The following SMTN variants were observed in gnomAD, a reference collection of about 807,000 sequenced individuals.
SMTN encodes smoothelin.
A neutral mutation model predicts 102.0 loss-of-function variants in SMTN; 58 were observed. The ratio of observed to expected loss-of-function variants is 0.57; its 90% CI spans 0.46 to 0.71. SMTN has a LOEUF of 0.71. SMTN is among the 30% of genes least tolerant of loss of function. The probability of loss-of-function intolerance (pLI) is 0.00; values close to 1 mark genes in which losing one functional copy is unlikely to be tolerated. For synonymous variants in SMTN, 478 were observed against 497.9 expected, an observed-to-expected ratio of 0.96 and a Z score of 0.53; for missense variants, 1,185 against 1,241.7, an observed-to-expected ratio of 0.95 and a Z score of 0.69.
chr22:31,101,893 C>T (rs1004243), intron 20 of SMTN: 52,913 of 151,524 alleles, frequency 0.35, 10,026 homozygotes, highest in Middle Eastern at 0.51. Flanking sequence ...GGACCTTCCT[C>T]GGATGAGGCT....
chr22:31,069,930 A>T (rs1346418345), intron 1 of SMTN, among the ~76,000 whole-genome samples: 1 of 152,088 alleles, frequency 6.6e-6, no homozygotes, highest in Admixed American at 6.5e-5. Flanking sequence ...CCAGTAAGGG[A>T]AGATTTTGAA....
intron 2 of SMTN, among the ~76,000 whole-genome samples, chr22:31,086,350 G>A (rs2042701305): frequency 6.6e-6 from 1 of 152,178 alleles, no homozygotes; most frequent in South Asian, 2.1e-4. Context: ...CAAATCACAT[G>A]TCCTCCCTGG....
chr22:31,089,158 C>T (rs985601916), intron 6 of SMTN, among the ~76,000 whole-genome samples, 189 bp downstream of exon 6: 1 of 152,202 alleles, frequency 6.6e-6, no homozygotes, highest in African/African-American at 2.4e-5. Flanking sequence ...CTGCTTCAAC[C>T]CGTCCCAGGG....
chr22:31,100,255 C>T (rs2043967442), intron 19 of SMTN, among the ~76,000 whole-genome samples: 1 of 152,108 alleles, frequency 6.6e-6, no homozygotes, highest in Non-Finnish European at 1.5e-5. Flanking sequence ...CCACGGGATC[C>T]CGGCTGGAGA....
At chr22:31,100,451 A>G (rs1161158299) in intron 19 of SMTN, among the ~76,000 whole-genome samples, 1 of 148,546 alleles carries the variant, frequency 6.7e-6, no homozygotes, top group Admixed American at 6.7e-5. Flanking sequence ...TTTCCCTCAA[A>G]TTTCTTCCTC....
At chr22:31,098,868 G>T (rs750976574) in intron 17 of SMTN, 28 bp downstream of exon 17, 1 of 1,551,086 alleles carries the variant, frequency 6.4e-7, no homozygotes, top group Non-Finnish European at 8.7e-7. Flanking sequence ...GCTGGGCAGT[G>T]GGGGGCGGGG....
At chr22:31,102,413 G>T (rs1002766817) in intron 20 of SMTN, 3 of 152,350 alleles carry the variant, frequency 2.0e-5, no homozygotes, top group Non-Finnish European at 4.4e-5. Flanking sequence ...AAGGGGATTG[G>T]CTGAAGGAAT....
upstream of SMTN, among the ~76,000 whole-genome samples, chr22:31,078,612 C>T (rs62236126): frequency 0.039 from 5,980 of 152,362 alleles, 130 homozygotes; most frequent in Non-Finnish European, 0.042. Flanking sequence ...TTTCCTGCTC[C>T]GCCCACAGCC....
intron 19 of SMTN, 121 bp from the exon 20 acceptor site, chr22:31,100,760 GTGTA>G: frequency 1.6e-6 from 1 of 624,906 alleles, no homozygotes; most frequent in Non-Finnish European, 2.9e-6. Flanking sequence ...GTGTGTGTGT[GTGTA>G]TGTGTGTGTG....
At chr22:31,091,598 G>T in intron 10 of SMTN, 77 bp from the exon 11 acceptor site, 2 of 1,518,256 alleles carry the variant, frequency 1.3e-6, no homozygotes, top group East Asian at 2.3e-5. Flanking sequence ...TGCTGGGAGC[G>T]AGGGCATTAT....
chr22:31,100,512 A>G (rs1265023349), intron 19 of SMTN, among the ~76,000 whole-genome samples: 1 of 101,000 alleles, frequency 9.9e-6, no homozygotes, highest in African/African-American at 4.0e-5. Context: ...CGCCTCCCTC[A>G]CCCCCTCTCC....
At chr22:31,099,996 A>G in intron 19 of SMTN, 100 bp downstream of exon 19, 1 of 1,192,142 alleles carries the variant, frequency 8.4e-7, no homozygotes, top group South Asian at 1.4e-5. Context: ...CGGGCCAGCC[A>G]CATTGTCAGT....
At chr22:31,088,426 G>T in intron 3 of SMTN, 87 bp from the exon 4 acceptor site, 3 of 1,183,450 alleles carry the variant, frequency 2.5e-6, no homozygotes, top group Admixed American at 1.9e-5. Flanking sequence ...CAAGGTTCTG[G>T]GTACTCTGTT....
chr22:31,084,926 G>A, intron 2 of SMTN: 8 of 1,345,092 alleles, frequency 5.9e-6, no homozygotes, highest in Non-Finnish European at 7.6e-6. Context: ...GGCGTCCCGA[G>A]CCGGGCTCCT....
intron 11 of SMTN, chr22:31,092,675 C>G (rs1423036865): frequency 9.6e-6 from 4 of 415,174 alleles, no homozygotes; most frequent in East Asian, 1.5e-4. Context: ...CAGGATCCAG[C>G]TGCCCTCTGA....
In SMTN at chr22:31,099,790, G is replaced by T; in HGVS notation, c.2497G>T (p.Ala833Ser). The stretch of plus-strand genomic sequence containing the variant: ...CTCCTCCAGCTGGAGTGATGGGATG[G>T]CCTTCTGTGCCCTGGTGCACAACTT... ...NFSSSWSDGM[A>S]FCALVHNFFP... The change falls in exon 19 of 21, where the codon GCC becomes TCC. Residue 833 changes from alanine (A) to serine (S), a missense_variant. Physicochemically the swap from Ala to Ser is moderately conservative, Grantham distance 99. This residue lies in a region of SMTN where 89 missense variants were observed against 128.9 expected (regional missense o/e 0.69). Coordinates refer to ENST00000333137, the MANE Select transcript of SMTN (RefSeq NM_134269.3). The T allele has an allele frequency of 6.2e-7, 1 of 1,614,072 alleles. No homozygotes were observed. The highest frequency in any genetic ancestry group is 8.5e-7 in the Non-Finnish European group (1 of 1,179,948).
intron 1 of SMTN, among the ~76,000 whole-genome samples, chr22:31,073,808 T>C (rs2042064790): frequency 6.6e-6 from 1 of 152,220 alleles, no homozygotes; most frequent in Non-Finnish European, 1.5e-5. Flanking sequence ...ATTTCATGGA[T>C]TGGCACTTTA....
chr22:31,077,880 C>T (rs1414316221), upstream of SMTN, among the ~76,000 whole-genome samples: 3 of 152,212 alleles, frequency 2.0e-5, no homozygotes, highest in Non-Finnish European at 4.4e-5. Context: ...AGTCCCACTC[C>T]GAGGGCTGCT....
At chr22:31,092,362 G>C in intron 11 of SMTN, 1 of 447,084 alleles carries the variant, frequency 2.2e-6, no homozygotes, top group South Asian at 1.6e-5. Context: ...GAAGCTCTGA[G>C]GGGGGACAGA....
Sources: allele counts gnomAD v4.1 joint callset (sites outside exome capture counted in the v4.1 genomes callset), GRCh38; gene constraint gnomAD v4.1.1; regional missense constraint gnomAD v4.1.1; transcripts MANE v1.5; gene names NCBI Gene and HGNC (gene_info 2026-07-23, HGNC 2026-07-21).